SLC39A14: variants seen among roughly 807,000 people sequenced by gnomAD.
The protein encoded by SLC39A14 is solute carrier family 39 member 14.
Under a neutral mutation model 45.5 loss-of-function variants are expected in SLC39A14, and 19 were observed. That is an observed-to-expected ratio of 0.42 (90% CI 0.29 to 0.61). The LOEUF (loss-of-function observed/expected upper bound fraction) is 0.61. Among genes scored for constraint, SLC39A14 ranks in the 20% least tolerant of loss-of-function variants. The pLI is 0.22. For synonymous variants in SLC39A14, 264 were observed against 251.3 expected (o/e 1.05, Z -0.48); for missense variants, 447 against 616.5 (o/e 0.73, Z 2.91).
chr8:22,390,681 G>T, intron 1 of SLC39A14: 1 of 162,694 alleles, frequency 6.1e-6, no homozygotes, highest in Non-Finnish European at 1.4e-5. Context: ...GAAGATGGTG[G>T]TTCCAGCTGA....
At chr8:22,395,443 G>T (rs962246220) in intron 1 of SLC39A14, among the ~76,000 whole-genome samples, 13 of 152,156 alleles carry the variant, frequency 8.5e-5, no homozygotes, top group African/African-American at 3.1e-4. Context: ...AGCCATTTAT[G>T]CCTAGTGTTC....
intron 3 of SLC39A14, 88 bp downstream of exon 3, chr8:22,408,584 C>T: frequency 1.6e-6 from 2 of 1,231,744 alleles, no homozygotes; most frequent in East Asian, 2.5e-5. Context: ...CTGCTCCTCA[C>T]TGAATGCCTC....
intron 8 of SLC39A14, among the ~76,000 whole-genome samples, chr8:22,432,111 G>A (rs1393773393): frequency 6.6e-6 from 1 of 152,098 alleles, no homozygotes; most frequent in Non-Finnish European, 1.5e-5. Flanking sequence ...TGGGAGGATC[G>A]CTTTAGTCCA....
intron 1 of SLC39A14, among the ~76,000 whole-genome samples, chr8:22,394,540 T>C (rs887804256): frequency 6.5e-4 from 98 of 150,612 alleles, no homozygotes; most frequent in East Asian, 1.4e-3. Flanking sequence ...AGGATGGTCT[T>C]GATCTCCTGA....
intron 3 of SLC39A14, among the ~76,000 whole-genome samples, chr8:22,409,283 G>A (rs1320854341): frequency 1.3e-5 from 2 of 152,156 alleles, no homozygotes; most frequent in East Asian, 1.9e-4. Flanking sequence ...TAGGGCCGGC[G>A]TGTGCTGCCT....
At chr8:22,430,976 G>C (rs573766680) in intron 8 of SLC39A14, among the ~76,000 whole-genome samples, 1 of 141,698 alleles carries the variant, frequency 7.1e-6, no homozygotes, top group African/African-American at 2.6e-5. Flanking sequence ...GCCGGTCTGG[G>C]ACTCCCAATT....
intron 1 of SLC39A14, among the ~76,000 whole-genome samples, chr8:22,373,321 A>G (rs1833034651): frequency 6.6e-6 from 1 of 152,154 alleles, no homozygotes; most frequent in Non-Finnish European, 1.5e-5. Context: ...AGTAGTCAAA[A>G]GAATGGCCTT....
downstream of SLC39A14, among the ~76,000 whole-genome samples, chr8:22,426,193 GTTTTTA>G: frequency 6.6e-6 from 1 of 150,946 alleles, no homozygotes; most frequent in Admixed American, 6.6e-5. Flanking sequence ...CGCCCGGCTT[GTTTTTA>G]TTTTATTTTA....
chr8:22,411,401 G>C (rs1219568608), intron 3 of SLC39A14, among the ~76,000 whole-genome samples: 1 of 152,224 alleles, frequency 6.6e-6, no homozygotes, highest in Non-Finnish European at 1.5e-5. Flanking sequence ...AAGTTGAGAG[G>C]TTAAGACACT....
chr8:22,372,041 G>A (rs1832968978), intron 1 of SLC39A14, among the ~76,000 whole-genome samples: 1 of 151,908 alleles, frequency 6.6e-6, no homozygotes, highest in Non-Finnish European at 1.5e-5. Context: ...CTTGCACCCG[G>A]CCCCTTTATT....
chr8:22,430,260 G>T (rs556397436), intron 8 of SLC39A14, among the ~76,000 whole-genome samples: 8 of 152,128 alleles, frequency 5.3e-5, no homozygotes, highest in Non-Finnish European at 1.2e-4. Context: ...TAGAGACGGG[G>T]TCTCACTAAG....
At chr8:22,413,324 A>G (rs1835689181) in intron 4 of SLC39A14, among the ~76,000 whole-genome samples, 1 of 152,196 alleles carries the variant, frequency 6.6e-6, no homozygotes, top group Non-Finnish European at 1.5e-5. Context: ...TGGCATCGAT[A>G]GAACAAGTAA....
intron 3 of SLC39A14, chr8:22,410,225 G>A: frequency 1.8e-6 from 2 of 1,103,750 alleles, no homozygotes; most frequent in South Asian, 2.7e-5. Context: ...TGCCACCTGA[G>A]AAATGAACCT....
chr8:22,382,870 A>G (rs1586654702), intron 1 of SLC39A14, among the ~76,000 whole-genome samples: 1 of 148,410 alleles, frequency 6.7e-6, no homozygotes, highest in East Asian at 2.0e-4. Flanking sequence ...GCATGCTACC[A>G]TGCCCCCGCT....
At chr8:22,401,547 T>C (rs1037439178) in intron 1 of SLC39A14, among the ~76,000 whole-genome samples, 18 of 127,622 alleles carry the variant, frequency 1.4e-4, no homozygotes, top group African/African-American at 1.0e-4. Flanking sequence ...CTCTTTCTTT[T>C]TTTTTTTTTT....
At chr8:22,372,496 C>T (rs1223990495) in intron 1 of SLC39A14, among the ~76,000 whole-genome samples, 1 of 152,052 alleles carries the variant, frequency 6.6e-6, no homozygotes, top group Non-Finnish European at 1.5e-5. Flanking sequence ...ACCCTGTCTG[C>T]GCTTATGTTT....
Position 22,373,765 on chromosome 8 carries a change from GT to G in SLC39A14, c.-16+6372del, listed in dbSNP as rs10690749. ...CAGGGTTTTTTGTTTTTGTTTTCTC[GT>G]TTTTTTTTTTTTTTCCAAGGCAGAG... On this transcript the variant is annotated intron_variant, in intron 1 of 8. Transcript: ENST00000381237. Among the ~76,000 whole-genome samples, 334 of 139,034 alleles carry G rather than the reference GT, an allele frequency of 2.4e-3. 1 individual carries two copies. Among genetic ancestry groups the G allele is most frequent in the African/African-American group, 5.5e-3 (210 of 38,122 alleles). 91.2% of individuals were successfully genotyped at this position (139,034 alleles called of 152,430 possible).
chr8:22,373,509 C>T (rs1430593238), intron 1 of SLC39A14, among the ~76,000 whole-genome samples: 4 of 152,090 alleles, frequency 2.6e-5, no homozygotes, highest in African/African-American at 9.7e-5. Context: ...CCCTAAACTT[C>T]TACCTTAGAA....
intron 1 of SLC39A14, among the ~76,000 whole-genome samples, chr8:22,403,304 G>T (rs908847881): frequency 6.8e-5 from 10 of 146,884 alleles, no homozygotes; most frequent in African/African-American, 2.5e-4. Context: ...TTTTGAGACG[G>T]AGTCTTGCTG....
Sources: gnomAD v4.1 joint callset for allele counts (sites outside exome capture counted in the v4.1 genomes callset) on GRCh38, gnomAD v4.1.1 for gene constraint, MANE v1.5 for transcripts, NCBI Gene and HGNC (gene_info 2026-07-23, HGNC 2026-07-21) for gene names.